The following EPS8 variants were observed in gnomAD, a reference collection of about 807,000 sequenced individuals.
The protein encoded by EPS8 is epidermal growth factor receptor kinase substrate 8.
EPS8 carries 42 observed loss-of-function variants against 103.8 expected under a neutral mutation model. The observed-to-expected ratio is 0.40, with a 90% CI of 0.32 to 0.52. The LOEUF (loss-of-function observed/expected upper bound fraction) is 0.52. Among genes scored for constraint, EPS8 ranks in the 20% least tolerant of loss-of-function variants. EPS8 has a pLI of 0.40. For synonymous variants in EPS8, 344 were observed against 344.6 expected (o/e 1.00, Z 0.02); for missense variants, 969 against 1,005.1 (o/e 0.96, Z 0.49).
intron 1 of EPS8, among the ~76,000 whole-genome samples, chr12:15,753,565 G>A (rs1012299793): frequency 1.3e-5 from 2 of 151,846 alleles, no homozygotes; most frequent in African/African-American, 4.9e-5. Context: ...ATTTGAGGGA[G>A]ACCTTGGATG....
At position 15,738,786 on chromosome 12, in the gene EPS8, G is replaced by A. The variant is rs1459423129; in HGVS notation, c.-22+50375C>T. Among the ~76,000 whole-genome samples, 2 of 152,004 alleles carry A rather than the reference G, an allele frequency of 1.3e-5. No individual in the cohort carries two copies. The highest frequency in any genetic ancestry group is 2.4e-5 in the African/African-American group (1 of 41,376). On this transcript the variant is annotated intron_variant, in intron 1 of 20. Transcript: ENST00000281172. The surrounding 1 kb of genome is among the most constrained non-coding windows in gnomAD (Gnocchi z 6.2). ...CAGCAGCTACAAAGTCCTGGCAATA[G>A]CAGGTGCTTAATAAATGTTTGTTGA...
intron 3 of EPS8, among the ~76,000 whole-genome samples, chr12:15,671,189 G>A (rs1945810639): frequency 6.6e-6 from 1 of 151,902 alleles, no homozygotes; most frequent in Non-Finnish European, 1.5e-5. Flanking sequence ...AATATTATAA[G>A]AAAAAAAGTT....
At chr12:15,623,389 G>T in intron 19 of EPS8, 102 bp from the exon 20 acceptor site, 1 of 1,049,966 alleles carries the variant, frequency 9.5e-7, no homozygotes, top group Non-Finnish European at 1.4e-6. Context: ...TTTTCTAAGC[G>T]TTCCATACCC....
Position 15,752,700 on chromosome 12 carries a change from G to A in EPS8, c.-22+36461C>T, listed in dbSNP as rs1946946233. On this transcript the variant is annotated intron_variant, in intron 1 of 20. Transcript: ENST00000281172. The surrounding 1 kb of genome is among the most constrained non-coding windows in gnomAD (Gnocchi z 4.4). ...GAGGTAGAGGAGATGGGCCTGAGAA[G>A]TTATACCCCGACAGTGAAGATATTA... 6.6e-6 allele frequency among the ~76,000 whole-genome samples: 1 copy of A among 152,010 alleles called. No homozygotes were observed. The highest frequency in any genetic ancestry group is 2.4e-5 in the African/African-American group (1 of 41,354).
At position 15,695,183 on chromosome 12, in the gene EPS8, T is replaced by C. The variant is rs1946226211; in HGVS notation, c.-21-12211A>G. On this transcript the variant is annotated intron_variant, in intron 1 of 20. Transcript: ENST00000281172. This position sits in a 1 kb window ranked among gnomAD's most constrained non-coding sequence, Gnocchi z 5.0. ...TTAACCACTATTATATACTTTCCTT[T>C]TACTAATGATAAATCCAGTATTTTG... 6.6e-6 allele frequency among the ~76,000 whole-genome samples: 1 copy of C among 152,230 alleles called. No homozygotes were observed. Among genetic ancestry groups the C allele is most frequent in the African/African-American group, 2.4e-5 (1 of 41,476 alleles).
Position 15,745,143 on chromosome 12 carries a change from G to A in EPS8, c.-22+44018C>T, listed in dbSNP as rs184128170. Among the ~76,000 whole-genome samples, 21 of 152,342 alleles carry A rather than the reference G, an allele frequency of 1.4e-4. No individual in the cohort carries two copies. The highest frequency in any genetic ancestry group is 8.3e-4 in the South Asian group (4 of 4,832). On this transcript the variant is annotated intron_variant, in intron 1 of 20. Coordinates refer to ENST00000281172, the MANE Select transcript of EPS8 (RefSeq NM_004447.6). The surrounding 1 kb of genome is among the most constrained non-coding windows in gnomAD (Gnocchi z 4.6). ...CCCAAAGTGCTGGTATTATAGGCGT[G>A]AGCCACCATGCCTGGCCAATTGTCC... is the stretch of plus-strand genomic sequence containing the variant.
intron 1 of EPS8, among the ~76,000 whole-genome samples, chr12:15,753,268 T>C (rs1470673613): frequency 6.6e-6 from 1 of 152,142 alleles, no homozygotes; most frequent in Non-Finnish European, 1.5e-5. Flanking sequence ...CAAAATTAAG[T>C]AAAATTGTAA....
chr12:15,766,056 C>T (rs1330782571), intron 1 of EPS8, among the ~76,000 whole-genome samples: 1 of 151,364 alleles, frequency 6.6e-6, no homozygotes, highest in Non-Finnish European at 1.5e-5. Context: ...CCTGATGATC[C>T]GCCTGCCTCG....
chr12:15,743,825 C>T (rs1461449722), intron 1 of EPS8, among the ~76,000 whole-genome samples: 1 of 152,194 alleles, frequency 6.6e-6, no homozygotes, highest in Admixed American at 6.5e-5. Context: ...AAACCCTAGG[C>T]AATACCATTC....
chr12:15,669,214 T>C (rs537449020), intron 6 of EPS8, among the ~76,000 whole-genome samples, 173 bp downstream of exon 6: 3 of 152,298 alleles, frequency 2.0e-5, no homozygotes, highest in African/African-American at 7.2e-5. Context: ...AATTTCTTTA[T>C]TTACTTGCCA....
At chr12:15,756,095 G>C (rs1182441929) in intron 1 of EPS8, among the ~76,000 whole-genome samples, 2 of 152,100 alleles carry the variant, frequency 1.3e-5, no homozygotes, top group Non-Finnish European at 2.9e-5. Context: ...CTAAACTGTT[G>C]ATTGATTTAT....
At chr12:15,703,847 GTTTTTTTTTTTT>G (rs58735135) in intron 1 of EPS8, among the ~76,000 whole-genome samples, 1 of 61,234 alleles carries the variant, frequency 1.6e-5, no homozygotes, top group Non-Finnish European at 2.8e-5. Context: ...CTATGTATTT[GTTTTTTTTTTTT>G]TTTTTTTTTT....
At chr12:15,654,864 T>C (rs1050372509) in intron 12 of EPS8, among the ~76,000 whole-genome samples, 3 of 152,150 alleles carry the variant, frequency 2.0e-5, no homozygotes, top group Non-Finnish European at 4.4e-5. Context: ...AAAATTCCTC[T>C]GATTTAATAT....
chr12:15,676,259 CAAA>C (rs888576581), intron 3 of EPS8, among the ~76,000 whole-genome samples: 21 of 16,328 alleles, frequency 1.3e-3, no homozygotes, highest in African/African-American at 4.3e-3. Flanking sequence ...GACTCCATCT[CAAA>C]AAAAAAAAAA....
intron 18 of EPS8, among the ~76,000 whole-genome samples, chr12:15,626,088 CTA>C (rs1372667927): frequency 1.3e-5 from 2 of 152,168 alleles, no homozygotes; most frequent in African/African-American, 4.8e-5. Flanking sequence ...AATGACAATT[CTA>C]TCTTTCCAGT....
rs1164438677 is a variant in EPS8 at position 15,734,495 on chromosome 12, C to A, written c.-21-51523G>T. ...GGATCACGAGGTCAGGAGATCGAGA[C>A]CATCCTGGCTAACACGGTGAAACCC... On this transcript the variant is annotated intron_variant, in intron 1 of 20. Coordinates refer to ENST00000281172, the MANE Select transcript of EPS8 (RefSeq NM_004447.6). The surrounding 1 kb of genome is among the most constrained non-coding windows in gnomAD (Gnocchi z 4.1). Among the ~76,000 whole-genome samples, 1 of 152,026 alleles carries A rather than the reference C, an allele frequency of 6.6e-6. No individual in the cohort carries two copies. The highest frequency in any genetic ancestry group is 1.5e-5 in the Non-Finnish European group (1 of 68,014).
At chr12:15,766,804 A>G (rs1422001466) in intron 1 of EPS8, among the ~76,000 whole-genome samples, 1 of 152,220 alleles carries the variant, frequency 6.6e-6, no homozygotes, top group Non-Finnish European at 1.5e-5. Flanking sequence ...GTAAGACTCT[A>G]TGGGGTCATT....
At position 15,784,700 on chromosome 12, in the gene EPS8, A is replaced by G. The variant is rs1172226560; in HGVS notation, c.-22+4461T>C. On this transcript the variant is annotated intron_variant, in intron 1 of 20. Coordinates refer to ENST00000281172, the MANE Select transcript of EPS8 (RefSeq NM_004447.6). This position sits in a 1 kb window ranked among gnomAD's most constrained non-coding sequence, Gnocchi z 4.0. ...AAACCTGCATGTGAATATTCATAGC[A>G]GCTTCGTTCATACTTGCCAAAAACT... Among the ~76,000 whole-genome samples, 4 of 152,184 alleles carry G rather than the reference A, an allele frequency of 2.6e-5. No homozygotes were observed. Among genetic ancestry groups the G allele is most frequent in the African/African-American group, 9.6e-5 (4 of 41,460 alleles).
rs1459161019 is a variant in EPS8 at position 15,721,422 on chromosome 12, T to C, written c.-21-38450A>G. Among the ~76,000 whole-genome samples the C allele has an allele frequency of 1.3e-5, 2 of 152,144 alleles. No homozygotes were observed. Among genetic ancestry groups the C allele is most frequent in the Admixed American group, 1.3e-4 (2 of 15,272 alleles). On this transcript the variant is annotated intron_variant, in intron 1 of 20. Coordinates refer to ENST00000281172, the MANE Select transcript of EPS8 (RefSeq NM_004447.6). This position sits in a 1 kb window ranked among gnomAD's most constrained non-coding sequence, Gnocchi z 4.4. ...TGTAATGAGGGAAAGAAAGCAATAC[T>C]GGAAAAACTACATAATACTCAGCTA...
Sources: allele counts gnomAD v4.1 joint callset (sites outside exome capture counted in the v4.1 genomes callset), GRCh38; gene constraint gnomAD v4.1.1; non-coding constraint Gnocchi (gnomAD v3.1); transcripts MANE v1.5; gene names NCBI Gene and HGNC (gene_info 2026-07-23, HGNC 2026-07-21).